Variants in CUL2 observed in about 807,000 individuals in gnomAD.
CUL2 encodes cullin 2.
A neutral mutation model predicts 110.2 loss-of-function variants in CUL2; 22 were observed. The ratio of observed to expected loss-of-function variants is 0.20; its 90% CI spans 0.14 to 0.28. The LOEUF is 0.28. Ranked by LOEUF, CUL2 falls within the 10% of genes least tolerant of loss-of-function variation. The pLI is 1.00. For synonymous variants in CUL2, 279 were observed against 293.2 expected, an observed-to-expected ratio of 0.95 and a Z score of 0.49; for missense variants, 631 against 905.5, an observed-to-expected ratio of 0.70 and a Z score of 3.89.
At chr10:35,025,632 A>G (rs536899748) in intron 16 of CUL2, among the ~76,000 whole-genome samples, 2 of 152,322 alleles carry the variant, frequency 1.3e-5, no homozygotes, top group East Asian at 3.9e-4. Context: ...ATTAGACACA[A>G]ATACGAAGTT....
chr10:35,107,143 T>A (rs1338762116), intron 1 of CUL2, among the ~76,000 whole-genome samples: 1 of 151,716 alleles, frequency 6.6e-6, no homozygotes, highest in Non-Finnish European at 1.5e-5. Flanking sequence ...CCCGGCTAAT[T>A]TTTTGTATTT....
intron 6 of CUL2, 95 bp from the exon 7 acceptor site, chr10:35,044,963 G>T: frequency 1.3e-6 from 1 of 797,802 alleles, no homozygotes; most frequent in East Asian, 2.5e-5. Context: ...TTATTCTATT[G>T]GTCTAATCAA....
intron 17 of CUL2, among the ~76,000 whole-genome samples, chr10:35,018,279 T>C (rs1291554253): frequency 3.9e-5 from 3 of 77,104 alleles, no homozygotes; most frequent in African/African-American, 1.1e-4. Context: ...AGAGCAAGAC[T>C]CCATCTCACA....
At chr10:35,102,208 C>T (rs996430670) in intron 1 of CUL2, among the ~76,000 whole-genome samples, 3 of 151,826 alleles carry the variant, frequency 2.0e-5, no homozygotes, top group African/African-American at 7.3e-5. Flanking sequence ...CCACTCCAGC[C>T]TGGGTGACAG....
intron 1 of CUL2, among the ~76,000 whole-genome samples, chr10:35,088,423 G>A (rs2087113129): frequency 8.4e-6 from 1 of 118,586 alleles, no homozygotes; most frequent in East Asian, 2.4e-4. Flanking sequence ...CAGGAGAATT[G>A]CTTGAACTGG....
At chr10:35,088,897 T>C (rs1477942374) in intron 1 of CUL2, among the ~76,000 whole-genome samples, 1 of 152,164 alleles carries the variant, frequency 6.6e-6, no homozygotes, top group Non-Finnish European at 1.5e-5. Flanking sequence ...CACTGTGGGC[T>C]GGGCGCAGTA....
chr10:35,025,342 A>G, intron 16 of CUL2, 144 bp from the exon 17 acceptor site: 1 of 1,220,120 alleles, frequency 8.2e-7, no homozygotes, highest in South Asian at 2.2e-5. Flanking sequence ...TCTTTTACAG[A>G]GGAGAAAGCA....
At chr10:35,016,162 G>A in intron 18 of CUL2, 30 bp downstream of exon 18, 3 of 1,562,536 alleles carry the variant, frequency 1.9e-6, no homozygotes, top group Non-Finnish European at 2.6e-6. Context: ...TGCTGATGAT[G>A]CTTAAATTCT....
upstream of CUL2, among the ~76,000 whole-genome samples, chr10:35,094,071 C>T (rs1464047887): frequency 6.6e-6 from 1 of 152,064 alleles, no homozygotes; most frequent in African/African-American, 2.4e-5. Context: ...AGACACTGAG[C>T]AGATGCCAGG....
At chr10:35,070,267 T>C (rs776695002) in intron 2 of CUL2, among the ~76,000 whole-genome samples, 2 of 152,174 alleles carry the variant, frequency 1.3e-5, no homozygotes, top group African/African-American at 4.8e-5. Flanking sequence ...GCCCAGAACA[T>C]AGTTGGCTTA....
In CUL2 at chr10:35,073,226, A is replaced by G. The variant is rs540904786; in HGVS notation, c.-22-1887T>C. On this transcript the variant is annotated intron_variant, in intron 1 of 20. Transcript: ENST00000374749. ...CCTTCAACTCATTCCCGAACTATCT[A>G]TAACGGATTAGCAGCGATTTTACTC... is the stretch of plus-strand genomic sequence containing the variant. Among the ~76,000 whole-genome samples, 3 of 152,322 alleles carry G rather than the reference A, an allele frequency of 2.0e-5. No individual in the cohort carries two copies. In the South Asian group the frequency reaches 6.2e-4, roughly 32 times the overall value.
At chr10:35,083,751 C>G (rs1002719313) in intron 1 of CUL2, among the ~76,000 whole-genome samples, 10 of 152,064 alleles carry the variant, frequency 6.6e-5, no homozygotes, top group Non-Finnish European at 1.5e-4. Flanking sequence ...TGCTGTAATC[C>G]CAACACTTTG....
At chr10:35,045,836 A>C (rs1365312951) in intron 6 of CUL2, among the ~76,000 whole-genome samples, 2 of 152,268 alleles carry the variant, frequency 1.3e-5, no homozygotes, top group Non-Finnish European at 2.9e-5. Flanking sequence ...AAATCAAACC[A>C]TTATGGTTTA....
chr10:35,122,709 C>T (rs1469485497), intron 1 of CUL2, among the ~76,000 whole-genome samples: 3 of 152,146 alleles, frequency 2.0e-5, no homozygotes, highest in Non-Finnish European at 4.4e-5. Flanking sequence ...ACAATCTTGG[C>T]TCACTGCAAC....
At chr10:35,115,953 A>T (rs1217709453) in intron 1 of CUL2, among the ~76,000 whole-genome samples, 2 of 152,192 alleles carry the variant, frequency 1.3e-5, no homozygotes, top group African/African-American at 4.8e-5. Flanking sequence ...TAAAATTGAT[A>T]AAAACTGAAA....
At chr10:35,049,209 G>A (rs147525182) in intron 6 of CUL2, among the ~76,000 whole-genome samples, 64 of 152,242 alleles carry the variant, frequency 4.2e-4, no homozygotes, top group African/African-American at 1.5e-3. Flanking sequence ...TGGGTAGAGT[G>A]GGAAACCATT....
At chr10:35,014,521 G>C (rs552225603) in intron 18 of CUL2, among the ~76,000 whole-genome samples, 2 of 152,278 alleles carry the variant, frequency 1.3e-5, no homozygotes, top group African/African-American at 2.4e-5. Flanking sequence ...ATTCTGCTAA[G>C]GAATGGACAG....
At chr10:35,112,087 A>C (rs2082045783) in intron 1 of CUL2, among the ~76,000 whole-genome samples, 1 of 152,150 alleles carries the variant, frequency 6.6e-6, no homozygotes, top group African/African-American at 2.4e-5. Context: ...TCTGGTACCT[A>C]CTTTTACCAG....
At position 35,117,450 on chromosome 10, in the gene CUL2, G is replaced by T. The variant is rs147465118; in HGVS notation, c.-51+9155C>A. On this transcript the variant is annotated intron_variant, in intron 1 of 5. Coordinates refer to the CUL2 transcript ENST00000685421. Reference sequence around the variant, plus strand: ...TCACTATGTTTCCCAGTCTGGTCTTGAACTCCTGAGCTCAAGCAATTCTCC... The same window carrying T: ...TCACTATGTTTCCCAGTCTGGTCTTTAACTCCTGAGCTCAAGCAATTCTCC... 6.5e-3 allele frequency among the ~76,000 whole-genome samples: 983 copies of T among 151,666 alleles called. 12 individuals are homozygous for T. The highest frequency in any genetic ancestry group is 0.021 in the African/African-American group (883 of 41,330).
Sources: allele counts gnomAD v4.1 joint callset (sites outside exome capture counted in the v4.1 genomes callset), GRCh38; gene constraint gnomAD v4.1.1; transcripts MANE v1.5; gene names NCBI Gene and HGNC (gene_info 2026-07-23, HGNC 2026-07-21).